RALYL: variants seen among roughly 807,000 people sequenced by gnomAD.
The protein encoded by RALYL is RALY RNA binding protein like.
In RALYL, 29 loss-of-function variants were observed where a neutral mutation model predicts 35.1. The ratio of observed to expected loss-of-function variants is 0.83; its 90% CI spans 0.61 to 1.13. The LOEUF is 1.13. RALYL is among the 50% of genes most tolerant of loss of function. The probability of loss-of-function intolerance (pLI) is 0.00; values close to 1 mark genes in which losing one functional copy is unlikely to be tolerated. For missense variants in RALYL, 359 were observed against 360.4 expected, an observed-to-expected ratio of 1.00 and a Z score of 0.03; for synonymous variants, 120 against 127.6, an observed-to-expected ratio of 0.94 and a Z score of 0.40.
intron 1 of RALYL, among the ~76,000 whole-genome samples, chr8:84,297,883 T>C (rs765450929): frequency 1.2e-4 from 18 of 152,096 alleles, no homozygotes; most frequent in Non-Finnish European, 2.4e-4. Flanking sequence ...TGCCCACTTT[T>C]CTAATGGTGT....
chr8:84,908,686 A>G (rs1346510773), intron 8 of RALYL, among the ~76,000 whole-genome samples: 1 of 152,080 alleles, frequency 6.6e-6, no homozygotes, highest in Admixed American at 6.6e-5. Flanking sequence ...TCCTTTCACT[A>G]TGAGTCAATA....
intron 8 of RALYL, among the ~76,000 whole-genome samples, chr8:84,895,792 G>A (rs1844653593): frequency 6.6e-6 from 1 of 152,166 alleles, no homozygotes; most frequent in African/African-American, 2.4e-5. Context: ...GATTACAGGT[G>A]TGAGCCACTG....
chr8:84,343,888 GT>G (rs35985007), intron 1 of RALYL, among the ~76,000 whole-genome samples: 91,380 of 148,154 alleles, frequency 0.62, 28,290 homozygotes, highest in African/African-American at 0.69. Context: ...TTGTTTGTTT[GT>G]TTTTTTTTTT....
chr8:84,413,462 C>T (rs1369920588), intron 1 of RALYL, among the ~76,000 whole-genome samples: 1 of 151,374 alleles, frequency 6.6e-6, no homozygotes. Flanking sequence ...TTACTGATAC[C>T]CAAATTCTAT....
At chr8:84,230,196 T>C (rs1824984190) in intron 1 of RALYL, among the ~76,000 whole-genome samples, 1 of 152,106 alleles carries the variant, frequency 6.6e-6, no homozygotes, top group Non-Finnish European at 1.5e-5. Context: ...TCTAAAAATA[T>C]ATATGTGATA....
intron 1 of RALYL, among the ~76,000 whole-genome samples, chr8:84,301,057 C>T (rs1195632513): frequency 6.6e-6 from 1 of 151,886 alleles, no homozygotes; most frequent in Non-Finnish European, 1.5e-5. Context: ...TGTAAGGTAC[C>T]TCTTATGAGG....
chr8:84,844,837 A>G (rs1834258254), intron 4 of RALYL, among the ~76,000 whole-genome samples: 1 of 152,224 alleles, frequency 6.6e-6, no homozygotes, highest in South Asian at 2.1e-4. Flanking sequence ...ATGAAGCTGG[A>G]AACCATCATT....
At chr8:84,372,886 GTTT>G (rs76885544) in intron 1 of RALYL, among the ~76,000 whole-genome samples, 738 of 38,984 alleles carry the variant, frequency 0.019, 1 homozygote, top group African/African-American at 0.068. Context: ...GCCAGCATCT[GTTT>G]TTTTTTTTTT....
At chr8:84,826,292 GAAAAAAA>G (rs1169764529) in intron 4 of RALYL, among the ~76,000 whole-genome samples, 23 of 66,000 alleles carry the variant, frequency 3.5e-4, no homozygotes, top group Non-Finnish European at 3.0e-4. Flanking sequence ...CCCTGAATCT[GAAAAAAA>G]AAAAAAAAAA....
intron 2 of RALYL, among the ~76,000 whole-genome samples, chr8:84,585,822 T>C (rs566399129): frequency 6.6e-6 from 1 of 151,918 alleles, no homozygotes; most frequent in South Asian, 2.1e-4. Flanking sequence ...TACACACAAG[T>C]AAATGGGTGC....
chr8:84,279,301 C>T (rs189179780), intron 1 of RALYL, among the ~76,000 whole-genome samples: 57 of 152,164 alleles, frequency 3.7e-4, no homozygotes, highest in African/African-American at 1.3e-3. Flanking sequence ...GGGACACAGC[C>T]GAACCATATC....
intron 4 of RALYL, among the ~76,000 whole-genome samples, chr8:84,840,966 A>C (rs1833156846): frequency 6.6e-6 from 1 of 152,200 alleles, no homozygotes; most frequent in Non-Finnish European, 1.5e-5. Flanking sequence ...TCCTGAAGGA[A>C]GCACTAAACA....
chr8:84,413,736 AATAG>A (rs2044335633), intron 1 of RALYL, among the ~76,000 whole-genome samples: 1 of 152,096 alleles, frequency 6.6e-6, no homozygotes, highest in Admixed American at 6.5e-5. Context: ...CTATTAATTG[AATAG>A]ATAATCTTCA....
chr8:84,417,393 G>C (rs938795712), intron 1 of RALYL, among the ~76,000 whole-genome samples: 2 of 152,144 alleles, frequency 1.3e-5, no homozygotes, highest in South Asian at 4.1e-4. Context: ...GTATTTGGCA[G>C]AGGGAAAGAA....
chr8:84,702,160 C>T (rs914207314), intron 2 of RALYL, among the ~76,000 whole-genome samples: 1 of 152,098 alleles, frequency 6.6e-6, no homozygotes, highest in Non-Finnish European at 1.5e-5. Context: ...ACCTAATGAA[C>T]ATTCTCTAAA....
intron 2 of RALYL, among the ~76,000 whole-genome samples, chr8:84,537,821 G>C (rs892880565): frequency 6.6e-6 from 1 of 152,154 alleles, no homozygotes; most frequent in Non-Finnish European, 1.5e-5. Context: ...TGTACTTAAA[G>C]AGAGCAGGTT....
chr8:84,676,004 A>G (rs1834119463), intron 2 of RALYL, among the ~76,000 whole-genome samples: 2 of 152,194 alleles, frequency 1.3e-5, no homozygotes, highest in Admixed American at 6.6e-5. Flanking sequence ...TAATGTGGCA[A>G]TCATTTCACA....
chr8:84,466,603 T>C (rs1434575337), intron 1 of RALYL, among the ~76,000 whole-genome samples: 2 of 150,440 alleles, frequency 1.3e-5, no homozygotes, highest in Non-Finnish European at 3.0e-5. Flanking sequence ...TCTAAAATTC[T>C]CTTTTTTTGT....
intron 1 of RALYL, among the ~76,000 whole-genome samples, chr8:84,372,344 C>T (rs1162305037): frequency 5.3e-5 from 8 of 152,120 alleles, no homozygotes; most frequent in African/African-American, 1.2e-4. Context: ...CAATCAAAAG[C>T]GTTCTCCTAG....
Sources: gnomAD v4.1 joint callset for allele counts (sites outside exome capture counted in the v4.1 genomes callset) on GRCh38, gnomAD v4.1.1 for gene constraint, MANE v1.5 for transcripts, NCBI Gene and HGNC (gene_info 2026-07-23, HGNC 2026-07-21) for gene names.